The following CNTN5 variants were observed in gnomAD, a reference collection of about 807,000 sequenced individuals.
CNTN5 encodes contactin-5.
In CNTN5, 77 loss-of-function variants were observed where a neutral mutation model predicts 129.1. That is an observed-to-expected ratio of 0.60 (90% CI 0.50 to 0.72). The LOEUF (loss-of-function observed/expected upper bound fraction) is 0.72, where lower values mean the gene tolerates loss of function less well. Among genes scored for constraint, CNTN5 ranks in the 30% least tolerant of loss-of-function variants. The pLI is 0.00. For missense variants in CNTN5, 1,478 were observed against 1,328.8 expected, an observed-to-expected ratio of 1.11 and a Z score of -1.75; for synonymous variants, 509 against 465.6, an observed-to-expected ratio of 1.09 and a Z score of -1.20.
rs57175307 is a variant in CNTN5, at chr11:99,990,455, T to TACACAC, written c.878-11555_878-11550dup. Among the ~76,000 whole-genome samples, 323 of 145,168 alleles carry TACACAC rather than the reference T, an allele frequency of 2.2e-3. 3 individuals carry two copies. The highest frequency in any genetic ancestry group is 7.5e-3 in the African/African-American group (290 of 38,892). The stretch of plus-strand genomic sequence containing the variant: ...CCCTTATTTTTAGAATATATATATA[T>TACACAC]ACACACACACACACACACACACACA... On this transcript the variant is annotated intron_variant, in intron 8 of 24. Coordinates refer to ENST00000524871, the MANE Select transcript of CNTN5 (RefSeq NM_014361.4).
intron 2 of CNTN5, among the ~76,000 whole-genome samples, chr11:99,396,876 T>A (rs769869716): frequency 6.6e-6 from 1 of 151,744 alleles, no homozygotes; most frequent in Non-Finnish European, 1.5e-5. Flanking sequence ...AAAACAAGTA[T>A]CTAGTGCATA....
chr11:99,426,079 A>C (rs1591035125), intron 2 of CNTN5, among the ~76,000 whole-genome samples: 1 of 152,360 alleles, frequency 6.6e-6, no homozygotes, highest in Non-Finnish European at 1.5e-5. Flanking sequence ...CATATTTATA[A>C]AAATATAATC....
At chr11:99,080,348 C>T (rs180853042) in intron 1 of CNTN5, among the ~76,000 whole-genome samples, 21 of 152,216 alleles carry the variant, frequency 1.4e-4, no homozygotes, top group African/African-American at 4.1e-4. Flanking sequence ...TTCCTAGCAA[C>T]GACTAATCAC....
intron 3 of CNTN5, among the ~76,000 whole-genome samples, chr11:99,672,988 C>A (rs1309724106): frequency 2.0e-5 from 3 of 152,040 alleles, no homozygotes; most frequent in Non-Finnish European, 4.4e-5. Flanking sequence ...CATGGTGGGA[C>A]ACATTCTCTT....
chr11:99,970,513 A>G (rs1052745295), intron 8 of CNTN5, among the ~76,000 whole-genome samples: 1 of 152,210 alleles, frequency 6.6e-6, no homozygotes, highest in African/African-American at 2.4e-5. Flanking sequence ...TGGGGATAAT[A>G]TTGGTACTTA....
At chr11:99,155,586 T>A (rs1022973487) in intron 1 of CNTN5, among the ~76,000 whole-genome samples, 1 of 152,156 alleles carries the variant, frequency 6.6e-6, no homozygotes, top group African/African-American at 2.4e-5. Flanking sequence ...TTTGTTCAAT[T>A]TTTTATAGTT....
chr11:100,334,646 T>C (rs1951989866), intron 21 of CNTN5, among the ~76,000 whole-genome samples: 2 of 152,102 alleles, frequency 1.3e-5, no homozygotes, highest in Non-Finnish European at 2.9e-5. Context: ...TGGGTGGAAA[T>C]GGAGACTATT....
At chr11:99,059,412 T>C (rs1421794675) in intron 1 of CNTN5, among the ~76,000 whole-genome samples, 5 of 152,114 alleles carry the variant, frequency 3.3e-5, no homozygotes, top group Admixed American at 2.0e-4. Context: ...AGATGCTTCA[T>C]TGGTTTCTAT....
chr11:99,970,360 G>A (rs1184431348), intron 8 of CNTN5, among the ~76,000 whole-genome samples: 1 of 152,178 alleles, frequency 6.6e-6, no homozygotes, highest in Non-Finnish European at 1.5e-5. Context: ...AAATTCACAA[G>A]AGTGACATGA....
chr11:99,724,508 A>G (rs1424505685), intron 3 of CNTN5, among the ~76,000 whole-genome samples: 3 of 152,188 alleles, frequency 2.0e-5, no homozygotes, highest in South Asian at 2.1e-4. Flanking sequence ...AAGCCATTAC[A>G]TATGTTAATT....
At chr11:99,841,242 G>A (rs149269092) in intron 4 of CNTN5, among the ~76,000 whole-genome samples, 2,022 of 152,182 alleles carry the variant, frequency 0.013, 45 homozygotes, top group African/African-American at 0.045. Flanking sequence ...ACAAAGTATG[G>A]GCAGTAATAA....
intron 1 of CNTN5, among the ~76,000 whole-genome samples, chr11:99,064,287 A>AT (rs1307345482): frequency 6.6e-6 from 1 of 152,142 alleles, no homozygotes; most frequent in East Asian, 1.9e-4. Context: ...ACTTGTTAGC[A>AT]TAGTAGCTGC....
intron 13 of CNTN5, among the ~76,000 whole-genome samples, chr11:100,181,735 T>C (rs987428278): frequency 6.6e-6 from 1 of 151,920 alleles, no homozygotes; most frequent in African/African-American, 2.4e-5. Context: ...CTTACAATTA[T>C]CTCCAAAATG....
chr11:99,286,040 G>GA (rs1555101324), intron 1 of CNTN5, among the ~76,000 whole-genome samples: 49,192 of 92,730 alleles, frequency 0.53, 11,345 homozygotes, highest in Middle Eastern at 0.58. Context: ...TCCATCTGGA[G>GA]AAAAAAAAAA....
chr11:100,187,535 T>C (rs995736086), intron 13 of CNTN5, among the ~76,000 whole-genome samples: 1 of 152,096 alleles, frequency 6.6e-6, no homozygotes, highest in East Asian at 1.9e-4. Flanking sequence ...ATTACAGGGC[T>C]TCAAACTATA....
chr11:99,405,044 A>C (rs1454800014), intron 2 of CNTN5, among the ~76,000 whole-genome samples: 1 of 151,824 alleles, frequency 6.6e-6, no homozygotes, highest in Admixed American at 6.6e-5. Flanking sequence ...ATGTGATGCC[A>C]CTCTCTCCTA....
intron 7 of CNTN5, among the ~76,000 whole-genome samples, chr11:99,940,283 T>C (rs565836246): frequency 1.1e-4 from 16 of 152,316 alleles, no homozygotes; most frequent in African/African-American, 3.8e-4. Flanking sequence ...ATTAAATTTA[T>C]GTAATTTGTG....
intron 7 of CNTN5, among the ~76,000 whole-genome samples, chr11:99,929,225 T>A (rs1950134966): frequency 6.6e-6 from 1 of 152,190 alleles, no homozygotes; most frequent in Admixed American, 6.5e-5. Context: ...TCAACAAGTA[T>A]CTAGGAGGTT....
At chr11:99,511,203 C>T (rs945539473) in intron 2 of CNTN5, among the ~76,000 whole-genome samples, 15 of 152,212 alleles carry the variant, frequency 9.9e-5, no homozygotes, top group Non-Finnish European at 1.2e-4. Context: ...TCCCTCTACA[C>T]ACTGCTTTGA....
Sources: allele counts gnomAD v4.1 joint callset (sites outside exome capture counted in the v4.1 genomes callset), GRCh38; gene constraint gnomAD v4.1.1; transcripts MANE v1.5; gene names NCBI Gene and HGNC (gene_info 2026-07-23, HGNC 2026-07-21).